The following CCSER1 variants were observed in gnomAD, a reference collection of about 807,000 sequenced individuals.
CCSER1 encodes the protein coiled-coil serine rich protein 1.
A neutral mutation model predicts 82.0 loss-of-function variants in CCSER1; 41 were observed. That is an observed-to-expected ratio of 0.50 (90% CI 0.39 to 0.65). CCSER1 has a LOEUF of 0.65. Ranked by LOEUF, CCSER1 falls within the 30% of genes least tolerant of loss-of-function variation. The pLI is 0.00. For missense variants in CCSER1, 1,119 were observed against 1,064.2 expected (o/e 1.05, Z -0.72); for synonymous variants, 414 against 383.9 (o/e 1.08, Z -0.92).
intron 1 of CCSER1, among the ~76,000 whole-genome samples, chr4:90,230,977 A>T (rs1036735090): frequency 3.9e-5 from 6 of 152,016 alleles, no homozygotes; most frequent in Non-Finnish European, 5.9e-5. Flanking sequence ...GTGGCAATAA[A>T]CAATACCTTA....
At chr4:90,276,206 C>CTT (rs1462589603) in intron 1 of CCSER1, among the ~76,000 whole-genome samples, 3 of 53,988 alleles carry the variant, frequency 5.6e-5, no homozygotes, top group Non-Finnish European at 7.3e-5. Flanking sequence ...TTCTTTCTTT[C>CTT]TTTCTTTCTT....
At chr4:90,328,825 C>T (rs1449276446) in intron 3 of CCSER1, among the ~76,000 whole-genome samples, 1 of 152,014 alleles carries the variant, frequency 6.6e-6, no homozygotes, top group Non-Finnish European at 1.5e-5. Context: ...TTGTGGTGTG[C>T]AGAGGGCATG....
At chr4:90,608,752 T>C (rs1785073453) in intron 5 of CCSER1, among the ~76,000 whole-genome samples, 1 of 151,808 alleles carries the variant, frequency 6.6e-6, no homozygotes, top group African/African-American at 2.4e-5. Flanking sequence ...TCTCACTTCT[T>C]ATTTTGCCTT....
intron 8 of CCSER1, among the ~76,000 whole-genome samples, chr4:90,901,597 TA>T (rs776931704): frequency 6.6e-6 from 1 of 152,060 alleles, no homozygotes; most frequent in Non-Finnish European, 1.5e-5. Context: ...TTTAAGAGGG[TA>T]AAAATAGGCC....
At chr4:91,214,445 T>C (rs1737079413) in intron 10 of CCSER1, among the ~76,000 whole-genome samples, 1 of 152,212 alleles carries the variant, frequency 6.6e-6, no homozygotes, top group African/African-American at 2.4e-5. Flanking sequence ...CTTCCCTACT[T>C]TATTATTCTC....
intron 8 of CCSER1, among the ~76,000 whole-genome samples, chr4:90,882,933 T>C (rs1469435166): frequency 6.6e-6 from 1 of 152,120 alleles, no homozygotes; most frequent in Non-Finnish European, 1.5e-5. Context: ...TTTATGTTCA[T>C]GTTTAGAGCA....
chr4:91,090,192 A>G (rs1483726961), intron 10 of CCSER1, among the ~76,000 whole-genome samples: 4 of 152,092 alleles, frequency 2.6e-5, no homozygotes, highest in Non-Finnish European at 5.9e-5. Flanking sequence ...TTTTCGCGGG[A>G]AGCATAGACA....
chr4:90,314,599 T>C (rs899145567), intron 3 of CCSER1, among the ~76,000 whole-genome samples: 3 of 151,608 alleles, frequency 2.0e-5, no homozygotes, highest in Non-Finnish European at 2.9e-5. Context: ...TAAAAAAAAA[T>C]TTAATAATTA....
At chr4:91,462,535 G>A (rs113339191) in intron 10 of CCSER1, among the ~76,000 whole-genome samples, 63 of 152,208 alleles carry the variant, frequency 4.1e-4, no homozygotes, top group African/African-American at 1.4e-3. Flanking sequence ...GCAGCCCACC[G>A]AGTGTGAGCC....
chr4:90,506,608 A>G (rs1770720783), intron 5 of CCSER1, among the ~76,000 whole-genome samples: 2 of 152,014 alleles, frequency 1.3e-5, no homozygotes, highest in Non-Finnish European at 2.9e-5. Flanking sequence ...ACTAAAAAAT[A>G]CAAAAAATTA....
At chr4:91,222,681 G>A (rs1737848100) in intron 10 of CCSER1, among the ~76,000 whole-genome samples, 1 of 152,120 alleles carries the variant, frequency 6.6e-6, no homozygotes, top group African/African-American at 2.4e-5. Context: ...TTGCATTGCA[G>A]AACCATTCAT....
At chr4:90,391,147 C>A (rs1750953603) in intron 3 of CCSER1, among the ~76,000 whole-genome samples, 1 of 148,940 alleles carries the variant, frequency 6.7e-6, no homozygotes, top group Admixed American at 6.7e-5. Flanking sequence ...GTGGCATGTG[C>A]CTGTAATCCC....
chr4:90,323,900 A>G (rs1737635591), intron 3 of CCSER1, among the ~76,000 whole-genome samples: 1 of 151,882 alleles, frequency 6.6e-6, no homozygotes, highest in Admixed American at 6.6e-5. Context: ...GTTCCCATCT[A>G]TGAGTGAGAA....
intron 4 of CCSER1, among the ~76,000 whole-genome samples, chr4:90,445,279 G>T (rs987866489): frequency 5.3e-5 from 8 of 151,980 alleles, no homozygotes; most frequent in Non-Finnish European, 7.4e-5. Context: ...TCATGTCAAA[G>T]AATTTAAATA....
intron 10 of CCSER1, among the ~76,000 whole-genome samples, chr4:91,235,451 C>G (rs1361630467): frequency 1.3e-5 from 2 of 152,030 alleles, no homozygotes; most frequent in African/African-American, 2.4e-5. Flanking sequence ...TTTACTCTAG[C>G]CTAAATTTGA....
intron 5 of CCSER1, among the ~76,000 whole-genome samples, chr4:90,493,863 A>T (rs544053904): frequency 1.9e-4 from 29 of 152,318 alleles, no homozygotes; most frequent in African/African-American, 6.7e-4. Context: ...TCAGCTAATG[A>T]GCAAAATAAT....
chr4:90,876,831 T>G (rs935653924), intron 8 of CCSER1, among the ~76,000 whole-genome samples: 9 of 152,134 alleles, frequency 5.9e-5, no homozygotes, highest in African/African-American at 1.9e-4. Flanking sequence ...AAATTAACCC[T>G]TCCTTTATTG....
chr4:91,574,392 C>A (rs1763339290), intron 10 of CCSER1, among the ~76,000 whole-genome samples: 1 of 151,992 alleles, frequency 6.6e-6, no homozygotes, highest in Non-Finnish European at 1.5e-5. Flanking sequence ...AATCCCATTA[C>A]TGGATATGTA....
At chr4:90,975,585 C>A (rs1735537781) in intron 9 of CCSER1, among the ~76,000 whole-genome samples, 1 of 151,158 alleles carries the variant, frequency 6.6e-6, no homozygotes, top group Admixed American at 6.6e-5. Context: ...GAAACAGAGT[C>A]TCTAAGTAAT....
Sources: allele counts gnomAD v4.1 joint callset (sites outside exome capture counted in the v4.1 genomes callset), GRCh38; gene constraint gnomAD v4.1.1; transcripts MANE v1.5; gene names NCBI Gene and HGNC (gene_info 2026-07-23, HGNC 2026-07-21).